Variants in SLC14A2 observed in about 807,000 individuals in gnomAD.
SLC14A2 encodes the protein urea transporter 2.
SLC14A2 carries 91 observed loss-of-function variants against 104.6 expected under a neutral mutation model. The ratio of observed to expected loss-of-function variants is 0.87; its 90% confidence interval spans 0.73 to 1.04. The LOEUF is 1.04. Among genes scored for constraint, SLC14A2 ranks in the 50% least tolerant of loss-of-function variants. SLC14A2 has a pLI of 0.00. For missense variants in SLC14A2, 1,189 were observed against 1,156.0 expected (o/e 1.03, Z -0.41); for synonymous variants, 476 against 466.4 (o/e 1.02, Z -0.27).
At chr18:45,298,866 A>T (rs774836596) in intron 1 of SLC14A2, among the ~76,000 whole-genome samples, 5 of 152,168 alleles carry the variant, frequency 3.3e-5, no homozygotes, top group Non-Finnish European at 5.9e-5. Context: ...TGACAATGAC[A>T]TCTTTCTCAT....
intron 1 of SLC14A2, among the ~76,000 whole-genome samples, chr18:45,470,925 T>A (rs2144666683): frequency 6.6e-6 from 1 of 152,308 alleles, no homozygotes; most frequent in South Asian, 2.1e-4. Context: ...GTTTCAGTGT[T>A]TTAAAATGTT....
At chr18:45,472,696 A>G (rs1019588099) in intron 1 of SLC14A2, among the ~76,000 whole-genome samples, 22 of 152,200 alleles carry the variant, frequency 1.4e-4, no homozygotes, top group Admixed American at 1.4e-3. Context: ...GTCTGTCCAT[A>G]TCCTTCGCCC....
the SLC14A2 span, among the ~76,000 whole-genome samples, chr18:45,201,460 A>T: frequency 6.6e-6 from 1 of 151,034 alleles, no homozygotes; most frequent in Non-Finnish European, 1.5e-5. Context: ...TCACTTCTTT[A>T]TTTTTCAAGT....
At chr18:45,511,384 C>A (rs575346155) in intron 2 of SLC14A2, among the ~76,000 whole-genome samples, 1 of 152,258 alleles carries the variant, frequency 6.6e-6, no homozygotes, top group East Asian at 1.9e-4. Context: ...TCTCTGACAT[C>A]ACTCAGGAGT....
At chr18:45,270,131 C>G (rs2084636235) in intron 1 of SLC14A2, among the ~76,000 whole-genome samples, 1 of 152,034 alleles carries the variant, frequency 6.6e-6, no homozygotes, top group Non-Finnish European at 1.5e-5. Flanking sequence ...AGGACAACGT[C>G]AAAGCCTAAA....
chr18:45,334,923 C>T (rs757449480), intron 1 of SLC14A2, among the ~76,000 whole-genome samples: 4 of 152,208 alleles, frequency 2.6e-5, no homozygotes, highest in Non-Finnish European at 5.9e-5. Context: ...TCCCTCTTCT[C>T]GCTAAATGTT....
Position 45,542,954 on chromosome 18 carries a change from G to A in SLC14A2, c.-35+59632G>A, listed in dbSNP as rs545111627. Among the ~76,000 whole-genome samples the A allele has an allele frequency of 3.2e-4, 49 of 151,600 alleles. No individual in the cohort carries two copies. The South Asian group carries it at 5.9e-3, about 18-fold the overall frequency. On this transcript the variant is annotated intron_variant, in intron 2 of 20. Coordinates refer to the SLC14A2 transcript ENST00000586448. The stretch of plus-strand genomic sequence containing the variant: ...TAGTATTTAATATTATTTAATATGC[G>A]TCTCTTTTTTTTGAGATGGAGTCTC...
At chr18:45,578,164 G>C (rs1205311047) in intron 2 of SLC14A2, among the ~76,000 whole-genome samples, 1 of 152,104 alleles carries the variant, frequency 6.6e-6, no homozygotes, top group Non-Finnish European at 1.5e-5. Flanking sequence ...CTGCTTTGGA[G>C]TTCACTTTCT....
the SLC14A2 span, among the ~76,000 whole-genome samples, chr18:45,176,093 T>TAC: frequency 6.6e-6 from 1 of 152,146 alleles, no homozygotes; most frequent in Non-Finnish European, 1.5e-5. Flanking sequence ...TACTGAGGTC[T>TAC]ACACTGGCTG....
At chr18:45,308,268 G>A (rs1429457397) in intron 1 of SLC14A2, among the ~76,000 whole-genome samples, 1 of 152,158 alleles carries the variant, frequency 6.6e-6, no homozygotes, top group Non-Finnish European at 1.5e-5. Context: ...ATCTGTGTAT[G>A]TGCATATTTT....
intron 10 of SLC14A2, among the ~76,000 whole-genome samples, chr18:45,655,163 C>T (rs1004140557): frequency 6.6e-6 from 1 of 152,196 alleles, no homozygotes; most frequent in Non-Finnish European, 1.5e-5. Flanking sequence ...TTTACATACT[C>T]AGATTACTGT....
intron 2 of SLC14A2, chr18:45,529,855 C>T (rs1181403389): frequency 1.5e-4 from 23 of 152,094 alleles, no homozygotes; most frequent in Admixed American, 1.5e-3. Flanking sequence ...AATGGAGTTT[C>T]CTACAGCCTT....
At chr18:45,503,139 C>G (rs1687708178) in intron 2 of SLC14A2, among the ~76,000 whole-genome samples, 1 of 152,114 alleles carries the variant, frequency 6.6e-6, no homozygotes, top group South Asian at 2.1e-4. Context: ...TTGATTGTGG[C>G]AAGCATGCTT....
chr18:45,682,318 G>A lies in SLC14A2; in HGVS notation c.2563-1G>A, dbSNP rs147596856. 3.1e-6 allele frequency: 5 copies of A among 1,614,022 alleles called. No individual in the cohort carries two copies. The highest frequency in any genetic ancestry group is 1.3e-5 in the African/African-American group (1 of 74,906). On this transcript the variant is annotated splice_acceptor_variant, in intron 19 of 19. Transcript: ENST00000255226. LOFTEE classifies it high-confidence loss of function. The stretch of plus-strand genomic sequence containing the variant: ...GGCTTATCTGTGTTCTTTCTCTCCA[G>A]TTTGGATTGCCGCCCTGCACTTGGC...
At chr18:45,195,598 G>A in the SLC14A2 span, among the ~76,000 whole-genome samples, 1 of 152,094 alleles carries the variant, frequency 6.6e-6, no homozygotes, top group African/African-American at 2.4e-5. Context: ...CTTTATGTTG[G>A]CCAGGCTGGT....
chr18:45,640,342 C>T (rs2045502494), intron 7 of SLC14A2, among the ~76,000 whole-genome samples: 1 of 151,672 alleles, frequency 6.6e-6, no homozygotes, highest in South Asian at 2.1e-4. Flanking sequence ...GCAAACTGAG[C>T]CCCTGGAGCT....
intron 1 of SLC14A2, among the ~76,000 whole-genome samples, chr18:45,413,416 G>T (rs1381208293): frequency 9.2e-5 from 14 of 152,144 alleles, no homozygotes; most frequent in African/African-American, 3.1e-4. Context: ...GCCAATGAAG[G>T]TGGTTCCATC....
intron 5 of SLC14A2, among the ~76,000 whole-genome samples, chr18:45,634,229 T>C (rs1028033421): frequency 6.6e-6 from 1 of 152,196 alleles, no homozygotes; most frequent in African/African-American, 2.4e-5. Context: ...ATTCATTCAA[T>C]AAACAAATAT....
Position 45,641,289 on chromosome 18 carries a change from G to A in SLC14A2, c.1072G>A (p.Gly358Arg), listed in dbSNP as rs143740023. 52 of 1,614,140 alleles carry A rather than the reference G, an allele frequency of 3.2e-5. No individual in the cohort carries two copies. Among genetic ancestry groups the A allele is most frequent in the African/African-American group, 2.4e-4 (18 of 75,040 alleles). ...YNCVLSCIAI[G>R]GMFYALTWQT... ...CTGCGTCCTCTCCTGCATCGCCATCGGAGGCATGTTCTATGCCCTCACCTG... is the reference window on the plus strand; with the variant it reads ...CTGCGTCCTCTCCTGCATCGCCATCAGAGGCATGTTCTATGCCCTCACCTG... Residue 358 changes from glycine to arginine, a missense_variant, in exon 8 of 20, where the codon GGA becomes AGA. Coordinates refer to ENST00000255226, the MANE Select transcript of SLC14A2 (RefSeq NM_007163.4).
Sources: allele counts gnomAD v4.1 joint callset (sites outside exome capture counted in the v4.1 genomes callset), GRCh38; gene constraint gnomAD v4.1.1; transcripts MANE v1.5; gene names NCBI Gene and HGNC (gene_info 2026-07-23, HGNC 2026-07-21).